Variants in KIF17 observed in about 807,000 individuals in gnomAD.
The protein encoded by KIF17 is kinesin-like protein KIF17.
In KIF17, 80 loss-of-function variants were observed where a neutral mutation model predicts 96.8. The observed-to-expected ratio is 0.83, with a 90% CI of 0.69 to 1.00. KIF17 has a LOEUF of 1.00. KIF17 is among the 50% of genes least tolerant of loss of function. The pLI, the probability that KIF17 is intolerant of heterozygous loss-of-function variation, is 0.00. For synonymous variants in KIF17, 567 were observed against 587.5 expected, an observed-to-expected ratio of 0.97 and a Z score of 0.51; for missense variants, 1,280 against 1,372.9, an observed-to-expected ratio of 0.93 and a Z score of 1.07.
chr1:20,683,455 G>A (rs2053869026), intron 10 of KIF17, among the ~76,000 whole-genome samples: 1 of 152,176 alleles, frequency 6.6e-6, no homozygotes, highest in Non-Finnish European at 1.5e-5. Flanking sequence ...AGGAGTTTGA[G>A]ACTAGCTTGA....
intron 5 of KIF17, among the ~76,000 whole-genome samples, chr1:20,703,597 T>A (rs2054285949): frequency 6.9e-6 from 1 of 144,136 alleles, no homozygotes; most frequent in Admixed American, 6.9e-5. Context: ...ATGGGGTGGG[T>A]GGGAAGGTGG....
Position 20,672,464 on chromosome 1 carries a change from C to A in KIF17, c.2464-268G>T, listed in dbSNP as rs978400536. 6.6e-6 allele frequency among the ~76,000 whole-genome samples: 1 copy of A among 152,160 alleles called. No homozygotes were observed. Among genetic ancestry groups the A allele is most frequent in the South Asian group, 2.1e-4 (1 of 4,820 alleles). On this transcript the variant is annotated intron_variant, in intron 11 of 14. Coordinates refer to ENST00000400463, the MANE Select transcript of KIF17 (RefSeq NM_001122819.3). The surrounding 1 kb of genome is among the most constrained non-coding windows in gnomAD (Gnocchi z 4.3). ...TAAATGAGCACCTAATGTGTCCCCC[C>A]AGCCCTGCAAAATGTAGGGGAAAAG...
Position 20,687,278 on chromosome 1 carries a change from C to T in KIF17, c.1938+110G>A, listed in dbSNP as rs1302367953. The T allele has an allele frequency of 8.0e-7, 1 of 1,251,058 alleles. No homozygotes were observed. Among genetic ancestry groups the T allele is most frequent in the Non-Finnish European group, 1.2e-6 (1 of 858,540 alleles). 77.5% of individuals were successfully genotyped at this position (1,251,058 alleles called of 1,614,324 possible). ...GCAGCAGACACAGTGGAGCCACGGC[C>T]TGAGTGTCGGAGGCCATGTGTGTGA... On this transcript the variant is annotated intron_variant, in intron 8 of 14. Coordinates refer to ENST00000400463, the MANE Select transcript of KIF17 (RefSeq NM_001122819.3). The surrounding 1 kb of genome is among the most constrained non-coding windows in gnomAD (Gnocchi z 4.4).
At chr1:20,696,137 C>T (rs548018848) in intron 6 of KIF17, among the ~76,000 whole-genome samples, 17 of 152,266 alleles carry the variant, frequency 1.1e-4, no homozygotes, top group African/African-American at 3.6e-4. Flanking sequence ...GAAGGCTGGA[C>T]GGACCCTAGG....
chr1:20,716,652 T>C (rs538900800), intron 1 of KIF17, among the ~76,000 whole-genome samples: 1 of 151,834 alleles, frequency 6.6e-6, no homozygotes, highest in African/African-American at 2.4e-5. Flanking sequence ...GCCACACAGA[T>C]GAGGTGTGGA....
chr1:20,677,842 C>A (rs561711681), intron 11 of KIF17, among the ~76,000 whole-genome samples: 11 of 152,214 alleles, frequency 7.2e-5, no homozygotes, highest in Non-Finnish European at 8.8e-5. Context: ...AGCAACAGAG[C>A]GAGACTCCGT....
intron 14 of KIF17, among the ~76,000 whole-genome samples, chr1:20,665,044 G>A (rs2053500834): frequency 6.6e-6 from 1 of 151,958 alleles, no homozygotes; most frequent in Non-Finnish European, 1.5e-5. Flanking sequence ...ACAAGTCTGG[G>A]TTCAAAGCCC....
Position 20,690,381 on chromosome 1 carries a change from A to G in KIF17, c.1234-46T>C, listed in dbSNP as rs886917921. On this transcript the variant is annotated intron_variant, in intron 6 of 14. Transcript: ENST00000400463. ...AGAGGGCAGGCAGCATTTTATCATC[A>G]TTTTGAAACCCAGCTTTCAGTATTC... 5.0e-5 allele frequency: 79 copies of G among 1,569,476 alleles called. 1 individual carries two copies. Among genetic ancestry groups the G allele is most frequent in the Non-Finnish European group, 6.5e-5 (74 of 1,146,606 alleles).
intron 3 of KIF17, among the ~76,000 whole-genome samples, chr1:20,710,616 G>C (rs1266068867): frequency 6.6e-6 from 1 of 152,190 alleles, no homozygotes; most frequent in African/African-American, 2.4e-5. Flanking sequence ...AAAGGCATTT[G>C]TCTGCCAAGT....
Position 20,713,112 on chromosome 1 carries a change from T to C in KIF17, c.480+342A>G, listed in dbSNP as rs1167347768. 4.7e-5 allele frequency among the ~76,000 whole-genome samples: 7 copies of C among 149,838 alleles called. No homozygotes were observed. The East Asian group carries it at 5.9e-4, about 13-fold the overall frequency. ...CTGGGTTCAAGTGATTCTCCTGCCT[T>C]AGCCTCCCCAGTAGCTGGGACTGTA... On this transcript the variant is annotated intron_variant, in intron 3 of 14. Transcript: ENST00000400463.
chr1:20,662,377 T>C (rs1291732134), downstream of KIF17, among the ~76,000 whole-genome samples: 2 of 152,166 alleles, frequency 1.3e-5, no homozygotes, highest in East Asian at 3.9e-4. Flanking sequence ...CTGAGGCCAA[T>C]GGTGACGGCA....
intron 13 of KIF17, among the ~76,000 whole-genome samples, chr1:20,667,512 A>G (rs962996782): frequency 6.6e-6 from 1 of 152,194 alleles, no homozygotes; most frequent in Non-Finnish European, 1.5e-5. Flanking sequence ...AATCATCCCG[A>G]AACTATCAGA....
At chr1:20,708,480 G>T (rs1222266964) in intron 4 of KIF17, among the ~76,000 whole-genome samples, 1 of 152,102 alleles carries the variant, frequency 6.6e-6, no homozygotes, top group Non-Finnish European at 1.5e-5. Flanking sequence ...CTGATCCCTG[G>T]GTCAGGGATC....
intron 11 of KIF17, among the ~76,000 whole-genome samples, chr1:20,680,495 T>C (rs2053811429): frequency 6.6e-6 from 1 of 151,970 alleles, no homozygotes; most frequent in Non-Finnish European, 1.5e-5. Flanking sequence ...GAGGATTGTT[T>C]GAGCCCAAGG....
At chr1:20,688,196 G>A (rs540982) in intron 7 of KIF17, among the ~76,000 whole-genome samples, 5,412 of 152,000 alleles carry the variant, frequency 0.036, 330 homozygotes, top group African/African-American at 0.12. Flanking sequence ...ACAGGCACCC[G>A]CCACCATGCC....
Position 20,709,664 on chromosome 1 carries a change from G to T in KIF17, c.645C>A (p.Thr215=), listed in dbSNP as rs2054402596. The T allele has an allele frequency of 2.5e-6, 4 of 1,614,108 alleles. No individual in the cohort carries two copies. Among genetic ancestry groups the T allele is most frequent in the Non-Finnish European group, 3.4e-6 (4 of 1,180,040 alleles). ...KDSSRSHSIF[T]ISIEMSAVDE... is the part of the protein sequence containing the mutation. ...CCACGGCAGACATCTCGATGCTGATGGTGAAGATGGAGTGCGAGCGTGAGG... is the reference window on the plus strand; with the variant it reads ...CCACGGCAGACATCTCGATGCTGATTGTGAAGATGGAGTGCGAGCGTGAGG... Residue 215 remains threonine, a synonymous_variant, in exon 4 of 15, where the codon ACC becomes ACA. Coordinates refer to ENST00000400463, the MANE Select transcript of KIF17 (RefSeq NM_001122819.3). This position sits in a 1 kb window ranked among gnomAD's most constrained non-coding sequence, Gnocchi z 4.7.
chr1:20,717,797 G>C lies in KIF17; in HGVS notation c.-91C>G. On this transcript the variant is annotated 5_prime_UTR_variant, in exon 1 of 15. Coordinates refer to ENST00000400463, the MANE Select transcript of KIF17 (RefSeq NM_001122819.3). The stretch of plus-strand genomic sequence containing the variant: ...CGGGCCAAGGGGCGGGGCCAGCGCC[G>C]GCCACGGGGGGCGGGGCCTTGAGGC... 7.5e-7 allele frequency: 1 copy of C among 1,329,980 alleles called. No homozygotes were observed. The highest frequency in any genetic ancestry group is 9.6e-7 in the Non-Finnish European group (1 of 1,042,068). 82.4% of individuals were successfully genotyped at this position (1,329,980 alleles called of 1,614,324 possible).
chr1:20,668,665 A>G (rs1224069845), intron 13 of KIF17, among the ~76,000 whole-genome samples: 1 of 152,184 alleles, frequency 6.6e-6, no homozygotes, highest in Non-Finnish European at 1.5e-5. Context: ...GGTATATTCT[A>G]TGTGGGTTTT....
chr1:20,662,480 T>G (rs558175371), downstream of KIF17, among the ~76,000 whole-genome samples: 1 of 152,176 alleles, frequency 6.6e-6, no homozygotes, highest in East Asian at 1.9e-4. Context: ...ATACATCTTC[T>G]TAACGGACTC....
Sources: allele counts gnomAD v4.1 joint callset (sites outside exome capture counted in the v4.1 genomes callset), GRCh38; gene constraint gnomAD v4.1.1; non-coding constraint Gnocchi (gnomAD v3.1); transcripts MANE v1.5; gene names NCBI Gene and HGNC (gene_info 2026-07-23, HGNC 2026-07-21).